CFAP54: variants seen among roughly 807,000 people sequenced by gnomAD.
CFAP54 encodes the protein cilia and flagella associated protein 54.
CFAP54 carries 290 observed loss-of-function variants against 370.4 expected under a neutral mutation model. That is an observed-to-expected ratio of 0.78 (90% CI 0.71 to 0.86). The LOEUF (loss-of-function observed/expected upper bound fraction) is 0.86. CFAP54 is among the 40% of genes least tolerant of loss of function. The probability of loss-of-function intolerance (pLI) is 0.00; values close to 1 mark genes in which losing one functional copy is unlikely to be tolerated. For missense variants in CFAP54, 3,399 were observed against 3,528.7 expected (o/e 0.96, Z 0.93); for synonymous variants, 1,206 against 1,236.5 (o/e 0.98, Z 0.52).
intron 39 of CFAP54, among the ~76,000 whole-genome samples, chr12:96,667,916 A>G (rs1670241495): frequency 6.6e-6 from 1 of 152,108 alleles, no homozygotes; most frequent in Non-Finnish European, 1.5e-5. Context: ...GATACACTAA[A>G]TCATCTCTCA....
Position 96,651,779 on chromosome 12 carries a change from C to T in CFAP54, c.5064C>T (p.Asp1688=), listed in dbSNP as rs1183237987. The change falls in exon 36 of 68, where the codon GAC becomes GAT. Residue 1688 remains aspartate, a synonymous_variant. Coordinates refer to ENST00000524981, the MANE Select transcript of CFAP54 (RefSeq NM_001306084.2). ...ATTTGGGAGCAGAATTACTTATTGA[C>T]ATGTTAATACAACTACAAAATACCA... ...PFYLGAELLI[D]MLIQLQNTSS... 6 of 1,609,116 alleles carry T rather than the reference C, an allele frequency of 3.7e-6. No homozygotes were observed. The highest frequency in any genetic ancestry group is 1.3e-5 in the African/African-American group (1 of 74,804).
chr12:96,523,238 C>G (rs946997056), intron 8 of CFAP54, among the ~76,000 whole-genome samples: 1 of 152,126 alleles, frequency 6.6e-6, no homozygotes, highest in East Asian at 1.9e-4. Context: ...CCATCTGGTT[C>G]AGTCCTTTTA....
intron 32 of CFAP54, among the ~76,000 whole-genome samples, chr12:96,643,044 ACTCATCTTGG>A (rs1956750912): frequency 6.6e-6 from 1 of 152,052 alleles, no homozygotes; most frequent in Non-Finnish European, 1.5e-5. Context: ...CCGATTGTTG[ACTCATCTTGG>A]CCTTTTGAGG....
intron 17 of CFAP54, among the ~76,000 whole-genome samples, chr12:96,559,236 A>T (rs1955790140): frequency 6.6e-6 from 1 of 152,098 alleles, no homozygotes; most frequent in Non-Finnish European, 1.5e-5. Context: ...TTAATTATAC[A>T]TTTAAAAATA....
At chr12:96,797,228 A>AT (rs923156258) in intron 63 of CFAP54, among the ~76,000 whole-genome samples, 7 of 148,926 alleles carry the variant, frequency 4.7e-5, no homozygotes, top group African/African-American at 7.4e-5. Context: ...TTGAAACTCG[A>AT]TTTTTTTTTT....
chr12:96,765,136 T>C lies in CFAP54; in HGVS notation c.8199T>C (p.His2733=). 1 of 1,541,388 alleles carries C rather than the reference T, an allele frequency of 6.5e-7. No homozygotes were observed. Among genetic ancestry groups the C allele is most frequent in the Non-Finnish European group, 8.8e-7 (1 of 1,130,488 alleles). ...LLIGKKNTRM[H]KVNQVALPNI... ...TTGGAAAGAAGAATACTAGAATGCA[T>C]AAAGTTAACCAAGTGGCATTACCAA... Residue 2733 remains histidine (H), a synonymous_variant, in exon 60 of 68, where the codon CAT becomes CAC. Coordinates refer to ENST00000524981, the MANE Select transcript of CFAP54 (RefSeq NM_001306084.2).
Position 96,720,477 on chromosome 12 carries a change from CAG to C in CFAP54, c.6878_6879del (p.Gln2293LeufsTer47). 9 of 1,605,854 alleles carry C rather than the reference CAG, an allele frequency of 5.6e-6. No homozygotes were observed. The highest frequency in any genetic ancestry group is 7.7e-6 in the Non-Finnish European group (9 of 1,175,618). On this transcript the variant is annotated frameshift_variant, in exon 50 of 68. Transcript: ENST00000524981. LOFTEE classifies it high-confidence loss of function. ...CGAGGTGGAACAGAAGACCCTGTCT[CAG>C]TGCTCCGCTGGCGAGCTGGAGATTG... ...LSEVEQKTLS[Q>X]CSAGELEIVV...
intron 43 of CFAP54, among the ~76,000 whole-genome samples, chr12:96,689,245 C>T (rs555924173): frequency 2.4e-4 from 36 of 152,146 alleles, no homozygotes; most frequent in Non-Finnish European, 3.7e-4. Flanking sequence ...ACTGTGACCT[C>T]TGCCTCCCGG....
In CFAP54 at chr12:96,647,982, T is replaced by C; in HGVS notation, c.4655T>C (p.Leu1552Pro). ...TATAAAGCAATGCTTGATTTCCTTC[T>C]TACAGCCAAAAAAAGAAAGGCCAAC... ...ENYKAMLDFL[L>P]TAKKRKANLP... The change falls in exon 34 of 68, where the codon CTT becomes CCT. Residue 1552 changes from leucine to proline, a missense_variant. Transcript: ENST00000524981. The C allele has an allele frequency of 6.6e-7, 1 of 1,513,236 alleles. No individual in the cohort carries two copies. The highest frequency in any genetic ancestry group is 8.8e-7 in the Non-Finnish European group (1 of 1,141,030). The allele number at this position is 1,513,236 out of a possible 1,614,324, so 93.7% of individuals were successfully genotyped here. A position where few individuals can be genotyped will look rare whatever the true frequency, so the allele number is the denominator to read the frequency against.
intron 14 of CFAP54, 150 bp from the exon 15 acceptor site, chr12:96,547,752 C>T (rs1455262118): frequency 5.1e-6 from 2 of 391,478 alleles, no homozygotes; most frequent in Non-Finnish European, 9.0e-6. Context: ...TCTCTTTCCT[C>T]CTTTTTATTT....
intron 39 of CFAP54, among the ~76,000 whole-genome samples, chr12:96,664,677 A>C (rs1409637689): frequency 7.4e-6 from 1 of 135,258 alleles, no homozygotes; most frequent in Non-Finnish European, 1.6e-5. Context: ...AGAACAATTT[A>C]TATTCCTTTG....
Position 96,555,950 on chromosome 12 carries a change from GA to G in CFAP54, c.2410+1157del, listed in dbSNP as rs545295994. On this transcript the variant is annotated intron_variant, in intron 17 of 67. Coordinates refer to ENST00000524981, the MANE Select transcript of CFAP54 (RefSeq NM_001306084.2). The stretch of plus-strand genomic sequence containing the variant: ...ATAAATAGCTAAGACATTCCTGAAG[GA>G]AAAAAAAATCAGGTGAGTGTAGGGG... Among the ~76,000 whole-genome samples, 1,059 of 149,972 alleles carry G rather than the reference GA, an allele frequency of 7.1e-3. 7 individuals are homozygous for G. Among genetic ancestry groups the G allele is most frequent in the Non-Finnish European group, 0.011 (720 of 67,346 alleles).
intron 26 of CFAP54, among the ~76,000 whole-genome samples, chr12:96,603,574 C>T (rs1214995693): frequency 4.6e-5 from 7 of 152,314 alleles, no homozygotes; most frequent in East Asian, 1.9e-4. Flanking sequence ...TCCATTCTCC[C>T]GTCACTATCA....
At chr12:96,865,317 T>C (rs1008400516) in intron 67 of CFAP54, among the ~76,000 whole-genome samples, 2 of 152,208 alleles carry the variant, frequency 1.3e-5, no homozygotes, top group Non-Finnish European at 2.9e-5. Context: ...AACAGAGATA[T>C]ATATCAATCT....
At chr12:96,714,482 G>A (rs942074889) in intron 48 of CFAP54, among the ~76,000 whole-genome samples, 1 of 152,136 alleles carries the variant, frequency 6.6e-6, no homozygotes, top group Non-Finnish European at 1.5e-5. Flanking sequence ...AGAGACAGGT[G>A]AAGGAATAAA....
At chr12:96,608,676 G>T (rs1956326022) in intron 26 of CFAP54, among the ~76,000 whole-genome samples, 2 of 151,932 alleles carry the variant, frequency 1.3e-5, no homozygotes, top group African/African-American at 4.8e-5. Context: ...GGTCCAGGCT[G>T]GTCTCGAACT....
intron 11 of CFAP54, 105 bp from the exon 12 acceptor site, chr12:96,535,410 A>G (rs1955491458): frequency 5.9e-6 from 4 of 680,766 alleles, no homozygotes; most frequent in Non-Finnish European, 7.5e-6. Flanking sequence ...TTGCCCGCCT[A>G]TCATTTGTGT....
At position 96,740,013 on chromosome 12, in the gene CFAP54, G is replaced by C. The variant is rs572172669; in HGVS notation, c.7023G>C (p.Lys2341Asn). 1.2e-5 allele frequency: 19 copies of C among 1,607,892 alleles called. No homozygotes were observed. Among genetic ancestry groups the C allele is most frequent in the Non-Finnish European group, 1.6e-5 (19 of 1,176,004 alleles). ...TLLQDSKLFE[K>N]KVVQDDTENP... ...TCCAGGATTCAAAACTTTTTGAAAA[G>C]AAGGTAGTACAGGATGACACAGAGA... is the stretch of plus-strand genomic sequence containing the variant. Residue 2341 changes from lysine to asparagine, a missense_variant, in exon 51 of 68, where the codon AAG becomes AAC. Lys to Asn is a moderately conservative substitution (Grantham distance 94). Transcript: ENST00000524981.
intron 26 of CFAP54, among the ~76,000 whole-genome samples, chr12:96,619,496 A>G (rs756377294): frequency 6.6e-6 from 1 of 152,120 alleles, no homozygotes; most frequent in Non-Finnish European, 1.5e-5. Context: ...CTAACATGCC[A>G]CTTGTGAGAT....
Sources: gnomAD v4.1 joint callset for allele counts (sites outside exome capture counted in the v4.1 genomes callset) on GRCh38, gnomAD v4.1.1 for gene constraint, MANE v1.5 for transcripts, NCBI Gene and HGNC (gene_info 2026-07-23, HGNC 2026-07-21) for gene names.